PHLPP2: variants seen among roughly 807,000 people sequenced by gnomAD.
PHLPP2 encodes the protein PH domain leucine-rich repeat-containing protein phosphatase 2.
In PHLPP2, 66 loss-of-function variants were observed where a neutral mutation model predicts 124.9. The ratio of observed to expected loss-of-function variants is 0.53; its 90% CI spans 0.43 to 0.65. PHLPP2 has a LOEUF of 0.65. Among genes scored for constraint, PHLPP2 ranks in the 30% least tolerant of loss-of-function variants. The pLI is 0.00. For synonymous variants in PHLPP2, 681 were observed against 624.7 expected, an observed-to-expected ratio of 1.09 and a Z score of -1.34; for missense variants, 1,685 against 1,600.4, an observed-to-expected ratio of 1.05 and a Z score of -0.90.
intron 2 of PHLPP2, among the ~76,000 whole-genome samples, chr16:71,709,030 A>G (rs2045305737): frequency 6.6e-6 from 1 of 152,318 alleles, no homozygotes; most frequent in Non-Finnish European, 1.5e-5. Flanking sequence ...ATAACCTACC[A>G]TCAACTCTAA....
intron 18 of PHLPP2, among the ~76,000 whole-genome samples, chr16:71,650,808 T>C (rs1363539170): frequency 6.6e-6 from 1 of 152,218 alleles, no homozygotes; most frequent in East Asian, 1.9e-4. Context: ...TCGCCAGAAT[T>C]TGTCATAAAC....
At chr16:71,663,786 C>A (rs2044814329) in intron 13 of PHLPP2, 113 bp downstream of exon 13, 1 of 797,832 alleles carries the variant, frequency 1.3e-6, no homozygotes, top group Non-Finnish European at 2.1e-6. Context: ...ATCATAGCAT[C>A]TGTAAGTCAG....
rs751331392 is a variant in PHLPP2 at position 71,649,967 on chromosome 16, C to T, written c.2895G>A (p.Lys965=). Reference sequence around the variant, plus strand: ...TCAGCGGAGTGGAAGATATGTGGGGCTTGGGGAGGATCCAAGGGTAGAGGT... The same window carrying T: ...TCAGCGGAGTGGAAGATATGTGGGGTTTGGGGAGGATCCAAGGGTAGAGGT... ...CTYLYPWILP[K]PHISSTPLTI... Residue 965 remains lysine, a synonymous_variant, in exon 19 of 19, where the codon AAG becomes AAA. Coordinates refer to ENST00000568954, the MANE Select transcript of PHLPP2 (RefSeq NM_015020.3). 3.7e-6 allele frequency: 6 copies of T among 1,613,882 alleles called. No homozygotes were observed. The highest frequency in any genetic ancestry group is 5.1e-6 in the Non-Finnish European group (6 of 1,180,004).
At chr16:71,714,402 G>A (rs534952345) in intron 2 of PHLPP2, 110 bp downstream of exon 2, 12 of 1,371,318 alleles carry the variant, frequency 8.8e-6, no homozygotes, top group East Asian at 2.6e-5. Context: ...CAGTGAGTCC[G>A]TAATCAACAT....
chr16:71,683,956 C>T (rs1289839382), intron 5 of PHLPP2, among the ~76,000 whole-genome samples: 1 of 151,848 alleles, frequency 6.6e-6, no homozygotes, highest in East Asian at 1.9e-4. Context: ...CTACACCCCG[C>T]TAATTTTGTA....
In PHLPP2 at chr16:71,649,811, C is replaced by T. The variant is rs774480161; in HGVS notation, c.3051G>A (p.Ala1017=). The T allele has an allele frequency of 3.3e-5, 54 of 1,614,070 alleles. 1 individual carries two copies. The South Asian group carries it at 5.4e-4, about 16-fold the overall frequency. Residue 1017 remains alanine, a synonymous_variant, in exon 19 of 19, where the codon GCG becomes GCA. Transcript: ENST00000568954. ...CATTGTCCTGACAGCCATAGCTCTGCGCTAATGTGCACAGCTTCTTAGCAG... is the reference window on the plus strand; with the variant it reads ...CATTGTCCTGACAGCCATAGCTCTGTGCTAATGTGCACAGCTTCTTAGCAG... The part of the protein sequence containing the change: ...LAAAKKLCTL[A]QSYGCQDNVG...
intron 10 of PHLPP2, among the ~76,000 whole-genome samples, 194 bp downstream of exon 10, chr16:71,672,068 T>C (rs1447569681): frequency 2.6e-5 from 4 of 152,194 alleles, no homozygotes; most frequent in African/African-American, 9.7e-5. Context: ...ACAGACACCT[T>C]ACTATTTCAA....
intron 17 of PHLPP2, 40 bp from the exon 18 acceptor site, chr16:71,653,061 T>A (rs2044709163): frequency 7.2e-7 from 1 of 1,393,570 alleles, no homozygotes; most frequent in African/African-American, 1.4e-5. Context: ...TGGTGGCTAG[T>A]TTTAGAAGAA....
At chr16:71,650,230 T>C (rs966931640) in intron 18 of PHLPP2, among the ~76,000 whole-genome samples, 186 bp from the exon 19 acceptor site, 13 of 152,224 alleles carry the variant, frequency 8.5e-5, no homozygotes, top group Non-Finnish European at 1.5e-4. Flanking sequence ...CAAAATATTA[T>C]ATGGTTACTA....
At chr16:71,708,994 T>C (rs1161391802) in intron 2 of PHLPP2, among the ~76,000 whole-genome samples, 3 of 152,194 alleles carry the variant, frequency 2.0e-5, no homozygotes, top group South Asian at 4.1e-4. Flanking sequence ...GAAAAATAAA[T>C]TTTAAAAAAT....
rs367988717 is a variant in PHLPP2 at position 71,706,872 on chromosome 16, A to C, written c.285-4141T>G. Among the ~76,000 whole-genome samples the C allele has an allele frequency of 3.3e-5, 5 of 152,132 alleles. No homozygotes were observed. In the East Asian group the frequency reaches 9.6e-4, roughly 29 times the overall value. ...ATGTGTTAACTTATTCACACCAAGA[A>C]ACCTAAAAAAGCTATGTTTTAAAAT... On this transcript the variant is annotated intron_variant, in intron 2 of 18. Transcript: ENST00000568954.
At chr16:71,662,501 G>A (rs1303895653) in intron 13 of PHLPP2, among the ~76,000 whole-genome samples, 1 of 151,988 alleles carries the variant, frequency 6.6e-6, no homozygotes, top group Admixed American at 6.6e-5. Flanking sequence ...GGAAGGTTGA[G>A]GCAGGAGAAT....
At chr16:71,711,283 A>T (rs1376791776) in intron 2 of PHLPP2, among the ~76,000 whole-genome samples, 2 of 151,928 alleles carry the variant, frequency 1.3e-5, no homozygotes, top group Non-Finnish European at 2.9e-5. Flanking sequence ...GTGAGCCGAG[A>T]TCGCACCACT....
chr16:71,691,350 G>T (rs2045110715), intron 3 of PHLPP2, among the ~76,000 whole-genome samples: 1 of 151,886 alleles, frequency 6.6e-6, no homozygotes, highest in Non-Finnish European at 1.5e-5. Context: ...AGTCCCAGCT[G>T]CTCAGGAAGC....
intron 10 of PHLPP2, among the ~76,000 whole-genome samples, chr16:71,670,695 A>ACACACACACACACACACACACAC (rs372978115): frequency 6.9e-4 from 89 of 129,022 alleles, no homozygotes; most frequent in African/African-American, 2.5e-3. Flanking sequence ...AGAGGCTGAA[A>ACACACACACACACACACACACAC]ACACACACAC....
chr16:71,663,454 CTTGT>C (rs1276594536), intron 13 of PHLPP2, among the ~76,000 whole-genome samples: 5 of 152,216 alleles, frequency 3.3e-5, no homozygotes, highest in Admixed American at 1.3e-4. Context: ...TGCCCATCCA[CTTGT>C]TTATTTTCCC....
intron 10 of PHLPP2, among the ~76,000 whole-genome samples, chr16:71,671,953 T>C (rs545820981): frequency 6.6e-6 from 1 of 152,196 alleles, no homozygotes; most frequent in East Asian, 1.9e-4. Context: ...AAATCAAGAA[T>C]TATCTGATTC....
chr16:71,704,307 C>CTAAAAAAAAAAAAAAAA (rs2045257431), intron 2 of PHLPP2, among the ~76,000 whole-genome samples: 1 of 98,750 alleles, frequency 1.0e-5, no homozygotes, highest in African/African-American at 4.1e-5. Flanking sequence ...GACTCTGTCT[C>CTAAAAAAAAAAAAAAAA]AAAAAAAAAA....
intron 15 of PHLPP2, 48 bp downstream of exon 15, chr16:71,658,185 C>A: frequency 6.4e-7 from 1 of 1,554,552 alleles, no homozygotes. Flanking sequence ...CTACACATGG[C>A]TGGTGGGCTA....
Sources: gnomAD v4.1 joint callset for allele counts (sites outside exome capture counted in the v4.1 genomes callset) on GRCh38, gnomAD v4.1.1 for gene constraint, MANE v1.5 for transcripts, NCBI Gene and HGNC (gene_info 2026-07-23, HGNC 2026-07-21) for gene names.